Variants in PYROXD2 observed in about 807,000 individuals in gnomAD.
The protein encoded by PYROXD2 is pyridine nucleotide-disulfide oxidoreductase domain-containing protein 2.
PYROXD2 carries 69 observed loss-of-function variants against 71.1 expected under a neutral mutation model. The ratio of observed to expected loss-of-function variants is 0.97; its 90% CI spans 0.80 to 1.19. The LOEUF is 1.19. Among genes scored for constraint, PYROXD2 ranks in the 50% most tolerant of loss-of-function variants. The pLI is 0.00. For synonymous variants in PYROXD2, 287 were observed against 302.7 expected, an observed-to-expected ratio of 0.95 and a Z score of 0.54; for missense variants, 745 against 748.9, an observed-to-expected ratio of 0.99 and a Z score of 0.06.
chr10:98,400,536 C>T (rs1027520855), intron 4 of PYROXD2, among the ~76,000 whole-genome samples: 5 of 152,036 alleles, frequency 3.3e-5, no homozygotes, highest in Non-Finnish European at 7.4e-5. Flanking sequence ...CATGCCATGC[C>T]ACATCATACC....
At chr10:98,390,959 T>A in intron 11 of PYROXD2, 51 bp downstream of exon 11, 1 of 1,482,600 alleles carries the variant, frequency 6.7e-7, no homozygotes, top group Non-Finnish European at 9.4e-7. Flanking sequence ...TGGAGGTTTC[T>A]CACTCAGATG....
Position 98,407,911 on chromosome 10 carries a change from G to A in PYROXD2, c.234C>T (p.Ile78=), listed in dbSNP as rs1355038559. The A allele has an allele frequency of 6.2e-7, 1 of 1,607,324 alleles. No homozygotes were observed. The highest frequency in any genetic ancestry group is 8.5e-7 in the Non-Finnish European group (1 of 1,177,288). ...TGCCACATCAGAGCTCACCTGGGAT[G>A]ATCTCCTCAGTGACAGCTGCACCCC... is the stretch of plus-strand genomic sequence containing the variant. ...VIGGAAVTEE[I]IPGFKFSRAS... The change falls in exon 3 of 16, where the codon ATC becomes ATT. Residue 78 remains isoleucine (I), a synonymous_variant. Coordinates refer to ENST00000370575, the MANE Select transcript of PYROXD2 (RefSeq NM_032709.3).
At chr10:98,392,364 A>G in intron 10 of PYROXD2, 68 bp downstream of exon 10, 1 of 1,575,694 alleles carries the variant, frequency 6.3e-7, no homozygotes, top group East Asian at 2.2e-5. Flanking sequence ...TGGCTCCCTC[A>G]ATCCCCACGA....
rs369500903 is a variant in PYROXD2 at position 98,415,079 on chromosome 10, C to T, written c.57G>A (p.Ala19=). 3.2e-5 allele frequency: 52 copies of T among 1,613,994 alleles called. No individual in the cohort carries two copies. Among genetic ancestry groups the T allele is most frequent in the Admixed American group, 5.0e-5 (3 of 59,988 alleles). Residue 19 remains alanine, a synonymous_variant, in exon 1 of 16, where the codon GCG becomes GCA. Transcript: ENST00000370575. ...TGGCTTCCGTGTTATCTCGTCTCCA[C>T]GCCGGGAAGGGAGAGGCGGCCACAG... ...CKAVAASPFP[A]WRRDNTEARG...
At position 98,407,553 on chromosome 10, in the gene PYROXD2, G is replaced by A. The variant is rs761253038; in HGVS notation, c.315+29C>T. On this transcript the variant is annotated intron_variant, in intron 4 of 15. Transcript: ENST00000370575. ...GAAGATGGAACTGCCTCCTCCCTCCGTGCAATCGGGCCGGCGGGGGGGCCC... is the reference window on the plus strand; with the variant it reads ...GAAGATGGAACTGCCTCCTCCCTCCATGCAATCGGGCCGGCGGGGGGGCCC... 57 of 1,611,660 alleles carry A rather than the reference G, an allele frequency of 3.5e-5. 1 individual carries two copies. The Middle Eastern group carries it at 1.5e-3, about 42-fold the overall frequency.
At chr10:98,390,512 G>T in intron 12 of PYROXD2, 86 bp downstream of exon 12, 2 of 1,424,042 alleles carry the variant, frequency 1.4e-6, no homozygotes, top group Non-Finnish European at 1.9e-6. Flanking sequence ...CACCAGGCCT[G>T]ATCCCTGCTG....
At chr10:98,411,116 T>A in intron 1 of PYROXD2, 158 bp from the exon 2 acceptor site, 1 of 1,017,158 alleles carries the variant, frequency 9.8e-7, no homozygotes, top group Non-Finnish European at 1.4e-6. Flanking sequence ...TGGAACAGCA[T>A]CTAGTTCAAC....
At chr10:98,407,491 C>G in intron 4 of PYROXD2, 91 bp downstream of exon 4, 1 of 1,523,832 alleles carries the variant, frequency 6.6e-7, no homozygotes, top group Non-Finnish European at 8.9e-7. Flanking sequence ...GCGGGCATCA[C>G]CTCGGGCACA....
In PYROXD2 at chr10:98,407,588, C is replaced by A; in HGVS notation, c.309G>T (p.Glu103Asp). 4 of 1,613,842 alleles carry A rather than the reference C, an allele frequency of 2.5e-6. No individual in the cohort carries two copies. The highest frequency in any genetic ancestry group is 3.4e-6 in the Non-Finnish European group (4 of 1,179,996). The change falls in exon 4 of 16, where the codon GAG becomes GAT. Residue 103 changes from glutamate to aspartate, a missense_variant. Physicochemically the swap from Glu to Asp is conservative, Grantham distance 45 (BLOSUM62 2). Transcript: ENST00000370575. The part of the protein sequence containing the change: ...LLRPQIYTDL[E>D]LKKHGLRLHL... ...GCCGGCGGGGGGGCCCTACCTTCAGCTCCAGATCAGTGTAAATCTGCGGCC... is the reference window on the plus strand; with the variant it reads ...GCCGGCGGGGGGGCCCTACCTTCAGATCCAGATCAGTGTAAATCTGCGGCC...
intron 3 of PYROXD2, 69 bp downstream of exon 3, chr10:98,407,835 G>T (rs1564810437): frequency 6.7e-7 from 1 of 1,486,514 alleles, no homozygotes; most frequent in Middle Eastern, 1.7e-4. Flanking sequence ...GTCACCCGGG[G>T]TCAGCAGGGA....
chr10:98,405,648 G>A (rs1006879595), intron 4 of PYROXD2, among the ~76,000 whole-genome samples: 2 of 152,182 alleles, frequency 1.3e-5, no homozygotes, highest in African/African-American at 4.8e-5. Flanking sequence ...AGACGCAGCC[G>A]GCCGGTTTCC....
chr10:98,386,961 A>T (rs146106518), intron 14 of PYROXD2, among the ~76,000 whole-genome samples: 1 of 152,154 alleles, frequency 6.6e-6, no homozygotes, highest in Non-Finnish European at 1.5e-5. Flanking sequence ...GAGGGCCACA[A>T]TCCTGGTGAC....
intron 1 of PYROXD2, among the ~76,000 whole-genome samples, chr10:98,412,252 C>A (rs1379443031): frequency 6.6e-6 from 1 of 152,232 alleles, no homozygotes; most frequent in Non-Finnish European, 1.5e-5. Context: ...GGTCAAGGAT[C>A]CAAAGCACAA....
Position 98,383,647 on chromosome 10 carries a change from T to G in PYROXD2, c.*151A>C. The G allele has an allele frequency of 1.4e-6, 1 of 715,158 alleles. No individual in the cohort carries two copies. Among genetic ancestry groups the G allele is most frequent in the Non-Finnish European group, 2.5e-6 (1 of 394,920 alleles). The allele number at this position is 715,158 out of a possible 1,614,324, so 44.3% of individuals were successfully genotyped here. ...GGGCATAAGGTCAACTTGCACTAAA[T>G]GTAACTCGTACGTTTTTTCTAAAAT... On this transcript the variant is annotated 3_prime_UTR_variant, in exon 16 of 16. Transcript: ENST00000370575.
chr10:98,409,104 T>C (rs1180199613), intron 2 of PYROXD2, among the ~76,000 whole-genome samples: 1 of 152,216 alleles, frequency 6.6e-6, no homozygotes. Context: ...GTGAGCTGCG[T>C]CATTCTCCTA....
chr10:98,385,098 A>G (rs1405157390), intron 14 of PYROXD2, 31 bp from the exon 15 acceptor site: 4 of 1,612,214 alleles, frequency 2.5e-6, no homozygotes, highest in Non-Finnish European at 3.4e-6. Flanking sequence ...TCATCAGCAC[A>G]GGAGAGTTAC....
rs764565318 is a variant in PYROXD2, at chr10:98,395,288, C to A, written c.693G>T (p.Leu231=). Residue 231 remains leucine, a synonymous_variant, in exon 8 of 16, where the codon CTG becomes CTT. Coordinates refer to ENST00000370575, the MANE Select transcript of PYROXD2 (RefSeq NM_032709.3). ...AAGGCTCAGACTCGAACCACTGATCCAGCACCTGGACAGCACAACAGCAGA... is the reference window on the plus strand; with the variant it reads ...AAGGCTCAGACTCGAACCACTGATCAAGCACCTGGACAGCACAACAGCAGA... ...EVLTAPITKV[L]DQWFESEPLK... 5.0e-6 allele frequency: 8 copies of A among 1,614,104 alleles called. No homozygotes were observed. Among genetic ancestry groups the A allele is most frequent in the Non-Finnish European group, 5.9e-6 (7 of 1,180,050 alleles).
chr10:98,397,586 T>C lies in PYROXD2; in HGVS notation c.472-88A>G, dbSNP rs1843235972. The C allele has an allele frequency of 2.1e-6, 3 of 1,438,752 alleles. No homozygotes were observed. In the South Asian group the frequency reaches 4.5e-5, roughly 22 times the overall value. The allele number at this position is 1,438,752 out of a possible 1,614,324, so 89.1% of individuals were successfully genotyped here. On this transcript the variant is annotated intron_variant, in intron 5 of 15. Transcript: ENST00000370575. ...GATGGCCTGTCACCCCCCCACAGCTTGACGGTTCCTCAGGCCTCATTCCCC... is the reference window on the plus strand; with the variant it reads ...GATGGCCTGTCACCCCCCCACAGCTCGACGGTTCCTCAGGCCTCATTCCCC...
chr10:98,394,157 C>T (rs940820108), intron 8 of PYROXD2, among the ~76,000 whole-genome samples: 2 of 152,200 alleles, frequency 1.3e-5, no homozygotes, highest in Non-Finnish European at 2.9e-5. Context: ...CGCTCACTAC[C>T]GTATCCCCAG....
Sources: allele counts gnomAD v4.1 joint callset (sites outside exome capture counted in the v4.1 genomes callset), GRCh38; gene constraint gnomAD v4.1.1; transcripts MANE v1.5; gene names NCBI Gene and HGNC (gene_info 2026-07-23, HGNC 2026-07-21).